CTNND2: variants seen among roughly 807,000 people sequenced by gnomAD.
CTNND2 encodes the protein catenin delta-2.
A neutral mutation model predicts 144.4 loss-of-function variants in CTNND2; 22 were observed. The observed-to-expected ratio is 0.15, with a 90% CI of 0.11 to 0.22. The LOEUF (loss-of-function observed/expected upper bound fraction) is 0.22. Ranked by LOEUF, CTNND2 falls within the 10% of genes least tolerant of loss-of-function variation. CTNND2 has a pLI of 1.00. For missense variants in CTNND2, 1,353 were observed against 1,618.8 expected, an observed-to-expected ratio of 0.84 and a Z score of 2.82; for synonymous variants, 751 against 695.6, an observed-to-expected ratio of 1.08 and a Z score of -1.25.
chr5:11,040,597 G>C (rs185215436), intron 16 of CTNND2, among the ~76,000 whole-genome samples: 2 of 152,270 alleles, frequency 1.3e-5, no homozygotes, highest in East Asian at 3.9e-4. Flanking sequence ...GTAGAACTGT[G>C]GGCAAGAAGG....
chr5:10,972,610 CA>C lies in CTNND2; in HGVS notation c.*842del, dbSNP rs1735953625. The C allele has an allele frequency of 6.6e-6, 1 of 152,584 alleles. No homozygotes were observed. The highest frequency in any genetic ancestry group is 1.5e-5 in the Non-Finnish European group (1 of 68,030). The allele number at this position is 152,584 out of a possible 1,614,324, so 9.5% of individuals were successfully genotyped here. ...CTGGTATAAATGAAAAAATCTATTT[CA>C]AATATCTACATCTAAAATTTTAGGC... On this transcript the variant is annotated 3_prime_UTR_variant, in exon 22 of 22. Transcript: ENST00000304623.
chr5:11,031,840 T>G (rs1271681135), intron 16 of CTNND2, among the ~76,000 whole-genome samples: 1 of 152,244 alleles, frequency 6.6e-6, no homozygotes, highest in Non-Finnish European at 1.5e-5. Flanking sequence ...ATCTGGACTC[T>G]TGGACTTACA....
At chr5:11,750,494 T>C (rs911838992) in intron 1 of CTNND2, among the ~76,000 whole-genome samples, 1 of 151,902 alleles carries the variant, frequency 6.6e-6, no homozygotes, top group Non-Finnish European at 1.5e-5. Context: ...TCCTGACTAA[T>C]ACACTGTCCA....
chr5:11,476,021 G>A (rs899358727), intron 3 of CTNND2, among the ~76,000 whole-genome samples: 10 of 150,712 alleles, frequency 6.6e-5, no homozygotes, highest in South Asian at 2.1e-4. Flanking sequence ...CACCATGCCC[G>A]GCTAATTTTT....
At chr5:11,824,330 C>T (rs140255592) in intron 1 of CTNND2, among the ~76,000 whole-genome samples, 26 of 152,162 alleles carry the variant, frequency 1.7e-4, no homozygotes, top group Non-Finnish European at 3.2e-4. Context: ...CTTCTCCACA[C>T]CTTTGCTATA....
intron 2 of CTNND2, among the ~76,000 whole-genome samples, chr5:11,722,898 T>A (rs10065597): frequency 0.047 from 7,212 of 152,186 alleles, 529 homozygotes; most frequent in African/African-American, 0.16. Context: ...AAATAAATAG[T>A]AAACACAAAA....
intron 3 of CTNND2, among the ~76,000 whole-genome samples, chr5:11,475,746 T>G (rs1767666080): frequency 6.6e-6 from 1 of 152,206 alleles, no homozygotes; most frequent in Non-Finnish European, 1.5e-5. Flanking sequence ...CTTTAGATAT[T>G]TTATGTCCTA....
intron 3 of CTNND2, among the ~76,000 whole-genome samples, chr5:11,422,972 AT>A (rs1762488848): frequency 6.6e-6 from 1 of 152,152 alleles, no homozygotes; most frequent in South Asian, 2.1e-4. Context: ...GCTAGGTATT[AT>A]TTTTCAAATG....
At chr5:11,363,212 T>C (rs1034081277) in intron 8 of CTNND2, among the ~76,000 whole-genome samples, 4 of 152,206 alleles carry the variant, frequency 2.6e-5, no homozygotes, top group Admixed American at 1.3e-4. Context: ...ATATCTTCCC[T>C]GTGTTTAATG....
rs1742469122 is a variant in CTNND2, at chr5:11,241,697, C to T, written c.1629-4874G>A. On this transcript the variant is annotated intron_variant, in intron 9 of 21. Transcript: ENST00000304623. Reference sequence around the variant, plus strand: ...GTTTTGTTTCGCTTAGATGAGATTCCGTTTGGTTTTCTTTTTGCTGATCAT... The same window carrying T: ...GTTTTGTTTCGCTTAGATGAGATTCTGTTTGGTTTTCTTTTTGCTGATCAT... Among the ~76,000 whole-genome samples the T allele has an allele frequency of 2.0e-5, 3 of 152,164 alleles. No homozygotes were observed. The South Asian group carries it at 6.2e-4, about 32-fold the overall frequency.
intron 3 of CTNND2, among the ~76,000 whole-genome samples, chr5:11,486,255 A>G (rs370489215): frequency 6.1e-4 from 93 of 152,298 alleles, no homozygotes; most frequent in African/African-American, 1.2e-3. Flanking sequence ...AGATCACACT[A>G]GGTGATAATA....
At chr5:11,081,780 G>A (rs1285876464) in intron 16 of CTNND2, among the ~76,000 whole-genome samples, 1 of 152,150 alleles carries the variant, frequency 6.6e-6, no homozygotes, top group Non-Finnish European at 1.5e-5. Flanking sequence ...ACCCAGAATA[G>A]GAAAATCCAT....
chr5:11,573,893 T>C (rs1777768666), intron 2 of CTNND2, among the ~76,000 whole-genome samples: 4 of 152,188 alleles, frequency 2.6e-5, no homozygotes, highest in Non-Finnish European at 5.9e-5. Context: ...GTTAGCCAAA[T>C]AAAGCATGTT....
intron 12 of CTNND2, among the ~76,000 whole-genome samples, chr5:11,155,212 C>T (rs564102318): frequency 2.6e-5 from 4 of 152,220 alleles, no homozygotes; most frequent in South Asian, 2.1e-4. Flanking sequence ...ATGATTATAG[C>T]GGCCACAGGT....
intron 9 of CTNND2, among the ~76,000 whole-genome samples, chr5:11,247,044 C>G (rs911766753): frequency 1.3e-5 from 2 of 152,316 alleles, no homozygotes; most frequent in South Asian, 4.1e-4. Flanking sequence ...ATCCCTTTGA[C>G]GGTGGCTGCC....
At chr5:11,659,377 C>T (rs1581681482) in intron 2 of CTNND2, among the ~76,000 whole-genome samples, 1 of 152,176 alleles carries the variant, frequency 6.6e-6, no homozygotes, top group Non-Finnish European at 1.5e-5. Context: ...GGGCGTATAC[C>T]AGCAAGACTG....
At chr5:11,818,371 G>A (rs1408828915) in intron 1 of CTNND2, among the ~76,000 whole-genome samples, 4 of 151,488 alleles carry the variant, frequency 2.6e-5, no homozygotes, top group South Asian at 2.1e-4. Context: ...CTGTATATGC[G>A]TTTTTTCTTC....
intron 9 of CTNND2, among the ~76,000 whole-genome samples, chr5:11,323,280 C>T (rs1186289210): frequency 6.6e-6 from 1 of 151,494 alleles, no homozygotes; most frequent in Non-Finnish European, 1.5e-5. Context: ...GAACTCCCAG[C>T]CTCAAATAAT....
intron 15 of CTNND2, chr5:11,083,984 A>G (rs752491357): frequency 6.6e-6 from 7 of 1,067,748 alleles, no homozygotes; most frequent in Non-Finnish European, 8.0e-6. Context: ...CAAAAAAACA[A>G]CTTCATCCTG....
Sources: gnomAD v4.1 joint callset for allele counts (sites outside exome capture counted in the v4.1 genomes callset) on GRCh38, gnomAD v4.1.1 for gene constraint, MANE v1.5 for transcripts, NCBI Gene and HGNC (gene_info 2026-07-23, HGNC 2026-07-21) for gene names.